The following MTHFD2L variants were observed in gnomAD, a reference collection of about 807,000 sequenced individuals.
MTHFD2L encodes the protein bifunctional methylenetetrahydrofolate dehydrogenase/cyclohydrolase 2, mitochondrial.
Under a neutral mutation model 34.9 loss-of-function variants are expected in MTHFD2L, and 29 were observed. The ratio of observed to expected loss-of-function variants is 0.83; its 90% CI spans 0.62 to 1.13. The LOEUF is 1.13. Among genes scored for constraint, MTHFD2L ranks in the 50% most tolerant of loss-of-function variants. MTHFD2L has a pLI of 0.00. For synonymous variants in MTHFD2L, 167 were observed against 155.7 expected, an observed-to-expected ratio of 1.07 and a Z score of -0.54; for missense variants, 481 against 446.5, an observed-to-expected ratio of 1.08 and a Z score of -0.70.
intron 6 of MTHFD2L, among the ~76,000 whole-genome samples, chr4:74,251,434 C>T (rs1007768980): frequency 2.0e-5 from 3 of 152,138 alleles, no homozygotes; most frequent in African/African-American, 4.8e-5. Context: ...CATCACCAAC[C>T]GTTGTCTTCA....
At chr4:74,178,198 A>G (rs1169803054) in intron 3 of MTHFD2L, among the ~76,000 whole-genome samples, 2 of 152,052 alleles carry the variant, frequency 1.3e-5, no homozygotes, top group Admixed American at 1.3e-4. Flanking sequence ...GCTAATAACA[A>G]CATACTATAT....
At chr4:74,121,668 ATATT>A (rs1009950156), upstream of MTHFD2L, among the ~76,000 whole-genome samples, 2 of 146,056 alleles carry the variant, frequency 1.4e-5, no homozygotes, top group Admixed American at 1.4e-4. Flanking sequence ...AATTAAATAT[ATATT>A]TAATTATATA....
intron 6 of MTHFD2L, among the ~76,000 whole-genome samples, chr4:74,244,762 G>A (rs934617564): frequency 4.6e-5 from 7 of 152,100 alleles, no homozygotes; most frequent in Non-Finnish European, 5.9e-5. Flanking sequence ...TGCAATTAAC[G>A]TTTAAGAAAC....
At chr4:74,225,120 G>C (rs187424263) in intron 5 of MTHFD2L, among the ~76,000 whole-genome samples, 182 bp from the exon 6 acceptor site, 10 of 152,174 alleles carry the variant, frequency 6.6e-5, no homozygotes, top group African/African-American at 2.2e-4. Context: ...TCATTTAATT[G>C]AAGGGTACAA....
intron 6 of MTHFD2L, chr4:74,267,699 T>G: frequency 1.0e-6 from 1 of 985,242 alleles, no homozygotes; most frequent in Non-Finnish European, 1.2e-6. Context: ...CCTCTTAAAG[T>G]TCTGGGATTA....
intron 3 of MTHFD2L, chr4:74,180,906 T>C (rs185103181): frequency 3.3e-5 from 6 of 181,480 alleles, no homozygotes; most frequent in African/African-American, 1.4e-4. Flanking sequence ...ATTCTTTTTT[T>C]CTTCTAAGTA....
In MTHFD2L at chr4:74,224,458, T is replaced by C. The variant is rs552382047; in HGVS notation, c.713-844T>C. ...AGTTTTTCTAAAAATGGTGATCATGTAACTTTTGTTGTTTTGGTTAACTGT... is the reference window on the plus strand; with the variant it reads ...AGTTTTTCTAAAAATGGTGATCATGCAACTTTTGTTGTTTTGGTTAACTGT... On this transcript the variant is annotated intron_variant, in intron 5 of 7. Transcript: ENST00000325278. Among the ~76,000 whole-genome samples the C allele has an allele frequency of 2.7e-4, 41 of 152,304 alleles. 1 individual carries two copies. The South Asian group carries it at 8.5e-3, about 32-fold the overall frequency.
chr4:74,278,943 G>A (rs541716820), intron 6 of MTHFD2L, among the ~76,000 whole-genome samples: 2 of 151,968 alleles, frequency 1.3e-5, no homozygotes, highest in Non-Finnish European at 2.9e-5. Context: ...TGCATTGGTC[G>A]ACAGTTTTCT....
chr4:74,283,699 C>G (rs996591601), intron 7 of MTHFD2L, among the ~76,000 whole-genome samples: 1 of 152,096 alleles, frequency 6.6e-6, no homozygotes, highest in Non-Finnish European at 1.5e-5. Flanking sequence ...TTCTAATCCT[C>G]TCATAAAAGA....
chr4:74,159,631 C>T (rs116486836), intron 1 of MTHFD2L, among the ~76,000 whole-genome samples: 19 of 152,292 alleles, frequency 1.2e-4, no homozygotes, highest in African/African-American at 4.6e-4. Flanking sequence ...ACAGTTACAA[C>T]CCCAAAATTT....
chr4:74,174,495 G>T lies in MTHFD2L; in HGVS notation c.144-11G>T, dbSNP rs369670621. ...TTTTCTTTTTAGTATTTATTGTTTTGCTTTCCACAGACATGAAGCCATTAT... is the reference window on the plus strand; with the variant it reads ...TTTTCTTTTTAGTATTTATTGTTTTTCTTTCCACAGACATGAAGCCATTAT... On this transcript the variant is annotated splice_polypyrimidine_tract_variant and intron_variant, in intron 1 of 7. Transcript: ENST00000325278. 1 of 1,441,446 alleles carries T rather than the reference G, an allele frequency of 6.9e-7. No homozygotes were observed. The highest frequency in any genetic ancestry group is 9.2e-7 in the Non-Finnish European group (1 of 1,091,110). 89.3% of individuals were successfully genotyped at this position (1,441,446 alleles called of 1,614,324 possible). A position where few individuals can be genotyped will look rare whatever the true frequency, so the allele number is the denominator to read the frequency against.
At chr4:74,191,352 C>G (rs1732460917) in intron 3 of MTHFD2L, among the ~76,000 whole-genome samples, 1 of 148,534 alleles carries the variant, frequency 6.7e-6, no homozygotes, top group African/African-American at 2.5e-5. Context: ...TAGCATAAAA[C>G]TTTACCTGGT....
intron 6 of MTHFD2L, among the ~76,000 whole-genome samples, chr4:74,247,319 A>G (rs1272960046): frequency 1.3e-5 from 2 of 151,786 alleles, no homozygotes; most frequent in Non-Finnish European, 2.9e-5. Context: ...TGATTTTTAT[A>G]CATTGATTTT....
intron 3 of MTHFD2L, chr4:74,180,597 C>T (rs539320863): frequency 1.2e-5 from 4 of 340,872 alleles, no homozygotes; most frequent in African/African-American, 8.4e-5. Flanking sequence ...CCATGCATCT[C>T]ATTTGAGCAA....
chr4:74,187,478 G>T, intron 3 of MTHFD2L, among the ~76,000 whole-genome samples: 1 of 152,096 alleles, frequency 6.6e-6, no homozygotes, highest in East Asian at 1.9e-4. Flanking sequence ...CTTCAAAGAA[G>T]AAATACAAAT....
chr4:74,160,277 C>T (rs1175620770), intron 1 of MTHFD2L: 2 of 358,540 alleles, frequency 5.6e-6, no homozygotes, highest in South Asian at 2.3e-5. Context: ...AAACTCTTAT[C>T]CCAGTGATAT....
intron 5 of MTHFD2L, among the ~76,000 whole-genome samples, chr4:74,204,339 G>T (rs912909698): frequency 1.2e-4 from 18 of 152,154 alleles, no homozygotes; most frequent in Admixed American, 6.5e-5. Context: ...CATATAGTAA[G>T]TTAAGTAAGC....
At chr4:74,230,357 A>G (rs902386851) in intron 6 of MTHFD2L, among the ~76,000 whole-genome samples, 7 of 152,078 alleles carry the variant, frequency 4.6e-5, no homozygotes, top group African/African-American at 1.4e-4. Flanking sequence ...TGGGAGGCTC[A>G]GGTGGGTGGA....
intron 3 of MTHFD2L, among the ~76,000 whole-genome samples, chr4:74,176,769 C>T (rs191411640): frequency 5.5e-4 from 84 of 151,950 alleles, no homozygotes; most frequent in Middle Eastern, 3.4e-3. Context: ...ATTTAAACTG[C>T]GCAAAATGAG....
Sources: allele counts gnomAD v4.1 joint callset (sites outside exome capture counted in the v4.1 genomes callset), GRCh38; gene constraint gnomAD v4.1.1; transcripts MANE v1.5; gene names NCBI Gene and HGNC (gene_info 2026-07-23, HGNC 2026-07-21).